The following NDUFAF6 variants were observed in gnomAD, a reference collection of about 807,000 sequenced individuals.
NDUFAF6 encodes NADH:ubiquinone oxidoreductase complex assembly factor 6, also known as NADH dehydrogenase (ubiquinone) complex I, assembly factor 6.
A neutral mutation model predicts 40.8 loss-of-function variants in NDUFAF6; 45 were observed. The ratio of observed to expected loss-of-function variants is 1.10; its 90% CI spans 0.87 to 1.42. The LOEUF is 1.42. NDUFAF6 is among the 40% of genes most tolerant of loss of function. The pLI, the probability that NDUFAF6 is intolerant of heterozygous loss-of-function variation, is 0.00. For synonymous variants in NDUFAF6, 185 were observed against 155.9 expected, an observed-to-expected ratio of 1.19 and a Z score of -1.39; for missense variants, 435 against 418.5, an observed-to-expected ratio of 1.04 and a Z score of -0.34.
chr8:95,012,950 C>T (rs1399072882), intron 2 of NDUFAF6, among the ~76,000 whole-genome samples: 1 of 152,126 alleles, frequency 6.6e-6, no homozygotes, highest in Non-Finnish European at 1.5e-5. Flanking sequence ...CAGAGTTTGA[C>T]CTCTTTCAAC....
intron 1 of NDUFAF6, among the ~76,000 whole-genome samples, chr8:94,924,923 A>G (rs1819764672): frequency 6.6e-6 from 1 of 151,952 alleles, no homozygotes; most frequent in African/African-American, 2.4e-5. Context: ...TTGTATTTTT[A>G]GTAGAGATGG....
intron 8 of NDUFAF6, among the ~76,000 whole-genome samples, chr8:95,056,191 C>T (rs1399310932): frequency 6.6e-6 from 1 of 151,638 alleles, no homozygotes; most frequent in Non-Finnish European, 1.5e-5. Context: ...TTTCATTGTA[C>T]AAACGATTCC....
intron 2 of NDUFAF6, among the ~76,000 whole-genome samples, chr8:95,007,347 G>A (rs756726261): frequency 1.3e-5 from 2 of 151,276 alleles, no homozygotes; most frequent in South Asian, 2.1e-4. Context: ...GTGCCAATAA[G>A]GATATAGTTA....
intron 2 of NDUFAF6, among the ~76,000 whole-genome samples, chr8:94,998,635 G>C (rs1826572097): frequency 6.6e-6 from 1 of 152,162 alleles, no homozygotes; most frequent in African/African-American, 2.4e-5. Context: ...GTTCTCAGAA[G>C]CCCACATGAG....
intron 2 of NDUFAF6, among the ~76,000 whole-genome samples, chr8:94,981,706 T>C (rs1825454247): frequency 6.6e-6 from 1 of 152,170 alleles, no homozygotes; most frequent in Non-Finnish European, 1.5e-5. Flanking sequence ...AAAAGAGAAC[T>C]AGACAGAGAG....
intron 1 of NDUFAF6, among the ~76,000 whole-genome samples, chr8:94,979,465 T>A (rs1238327544): frequency 6.6e-6 from 1 of 152,224 alleles, no homozygotes; most frequent in South Asian, 2.1e-4. Context: ...CCATCCTTCC[T>A]TCTCTCTTTC....
At chr8:95,026,082 G>A (rs1373754818) in intron 1 of NDUFAF6, among the ~76,000 whole-genome samples, 1 of 152,170 alleles carries the variant, frequency 6.6e-6, no homozygotes, top group Non-Finnish European at 1.5e-5. Context: ...GATCATGCAA[G>A]TAAAACCGTT....
intron 9 of NDUFAF6, among the ~76,000 whole-genome samples, chr8:95,064,038 ATTTTTTT>A (rs1160777112): frequency 0.024 from 2,509 of 104,820 alleles, 51 homozygotes; most frequent in African/African-American, 0.078. Context: ...CGCCTGGCTA[ATTTTTTT>A]TTTTTTTTTT....
chr8:95,088,310 G>A (rs1359095797), intron 2 of NDUFAF6, among the ~76,000 whole-genome samples: 1 of 152,198 alleles, frequency 6.6e-6, no homozygotes, highest in Non-Finnish European at 1.5e-5. Context: ...GTCCTAATGT[G>A]AGGCTGCCCT....
intron 9 of NDUFAF6, among the ~76,000 whole-genome samples, chr8:95,063,804 CA>C (rs1207657451): frequency 1.3e-5 from 2 of 151,592 alleles, no homozygotes. Context: ...ATGGGTGTCA[CA>C]AGGATTCTTT....
Position 95,058,331 on chromosome 8 carries a change from GAGCAGCTATAACCTAGGTGTTCAGAAC to G in NDUFAF6, c.*396_*422del. On this transcript the variant is annotated 3_prime_UTR_variant, in exon 9 of 9. Coordinates refer to ENST00000396124, the MANE Select transcript of NDUFAF6 (RefSeq NM_152416.4). ...AAGTTATCATAGGGGCTTACATGCTGAGCAGCTATAACCTAGGTGTTCAGAACACCTGGAAGATGCATTTATTTAGGG... is the reference window on the plus strand; with the variant it reads ...AAGTTATCATAGGGGCTTACATGCTGACCTGGAAGATGCATTTATTTAGGG... 7.9e-7 allele frequency: 1 copy of G among 1,258,384 alleles called. No homozygotes were observed. The highest frequency in any genetic ancestry group is 1.0e-6 in the Non-Finnish European group (1 of 1,003,908). The allele number at this position is 1,258,384 out of a possible 1,614,324, so 78.0% of individuals were successfully genotyped here.
intron 1 of NDUFAF6, among the ~76,000 whole-genome samples, chr8:94,969,134 C>G (rs1367245364): frequency 6.6e-6 from 1 of 152,114 alleles, no homozygotes; most frequent in African/African-American, 2.4e-5. Flanking sequence ...GCATCAGGAT[C>G]AAATTGCCAT....
intron 2 of NDUFAF6, among the ~76,000 whole-genome samples, chr8:95,011,137 G>C (rs1827211970): frequency 6.6e-6 from 1 of 152,222 alleles, no homozygotes; most frequent in South Asian, 2.1e-4. Flanking sequence ...GCTGCTTCCA[G>C]CTGGGCTCCA....
At chr8:94,902,544 G>A (rs1176637468) in intron 1 of NDUFAF6, among the ~76,000 whole-genome samples, 2 of 151,864 alleles carry the variant, frequency 1.3e-5, no homozygotes, top group Non-Finnish European at 2.9e-5. Flanking sequence ...TCATGTTGTT[G>A]AATGTATCAG....
intron 2 of NDUFAF6, among the ~76,000 whole-genome samples, chr8:95,010,579 T>C (rs1204677490): frequency 6.6e-6 from 1 of 152,234 alleles, no homozygotes; most frequent in African/African-American, 2.4e-5. Context: ...AAGAAAAGGA[T>C]TGTGTTCCTG....
chr8:95,008,682 T>C (rs1447366310), intron 2 of NDUFAF6, among the ~76,000 whole-genome samples: 1 of 152,100 alleles, frequency 6.6e-6, no homozygotes, highest in African/African-American at 2.4e-5. Context: ...AATTTCTTTG[T>C]ATTTTTAGTA....
At chr8:94,924,376 A>G (rs1819720337) in intron 1 of NDUFAF6, among the ~76,000 whole-genome samples, 1 of 152,188 alleles carries the variant, frequency 6.6e-6, no homozygotes, top group Non-Finnish European at 1.5e-5. Flanking sequence ...TCAGTTTTTA[A>G]AAAAGCTGCA....
At chr8:94,914,237 GTCT>G (rs927907156) in intron 1 of NDUFAF6, among the ~76,000 whole-genome samples, 4 of 150,250 alleles carry the variant, frequency 2.7e-5, no homozygotes, top group South Asian at 2.1e-4. Context: ...GAATAAGGTA[GTCT>G]TCTTATTAGT....
chr8:95,105,904 G>A (rs973752900), downstream of NDUFAF6, among the ~76,000 whole-genome samples: 4 of 152,230 alleles, frequency 2.6e-5, no homozygotes, highest in Middle Eastern at 3.4e-3. Flanking sequence ...CTGAAGTGCG[G>A]GGATTACAGG....
Sources: gnomAD v4.1 joint callset for allele counts (sites outside exome capture counted in the v4.1 genomes callset) on GRCh38, gnomAD v4.1.1 for gene constraint, MANE v1.5 for transcripts, NCBI Gene and HGNC (gene_info 2026-07-23, HGNC 2026-07-21) for gene names.